Variants in PCDHGA3 observed in about 807,000 individuals in gnomAD.
PCDHGA3 encodes the protein protocadherin gamma subfamily A, 3.
PCDHGA3 carries 40 observed loss-of-function variants against 58.5 expected under a neutral mutation model. The observed-to-expected ratio is 0.68, with a 90% CI of 0.53 to 0.89. PCDHGA3 has a LOEUF of 0.89. PCDHGA3 is among the 40% of genes least tolerant of loss of function. The pLI, the probability that PCDHGA3 is intolerant of heterozygous loss-of-function variation, is 0.00. For synonymous variants in PCDHGA3, 530 were observed against 525.7 expected (o/e 1.01, Z -0.11); for missense variants, 1,223 against 1,195.9 (o/e 1.02, Z -0.33).
intron 1 of PCDHGA3, chr5:141,427,690 T>TC (rs1331581287): frequency 2.3e-6 from 2 of 881,240 alleles, no homozygotes; most frequent in Non-Finnish European, 3.7e-6. Context: ...GGAGCCTCCA[T>TC]CCCACAAGTC....
chr5:141,365,905 G>C (rs539434078), intron 1 of PCDHGA3: 14 of 1,614,190 alleles, frequency 8.7e-6, no homozygotes, highest in Non-Finnish European at 1.1e-5. Flanking sequence ...ATGAGCAGTT[G>C]AGAGACCTAC....
chr5:141,490,345 G>GT lies in PCDHGA3; in HGVS notation c.2425-4461dup, dbSNP rs1363310763. The GT allele has an allele frequency of 6.2e-7, 1 of 1,614,216 alleles. No individual in the cohort carries two copies. The highest frequency in any genetic ancestry group is 2.2e-5 in the East Asian group (1 of 44,886). ...AGAGAGCACACCAGTGGGCACAGTAGTGGGGTTGTTTAATGTGCGAGACCG... is the reference window on the plus strand; with the variant it reads ...AGAGAGCACACCAGTGGGCACAGTAGTTGGGGTTGTTTAATGTGCGAGACCG... On this transcript the variant is annotated intron_variant, in intron 1 of 3. Transcript: ENST00000253812. This position sits in a 1 kb window ranked among gnomAD's most constrained non-coding sequence, Gnocchi z 5.4.
chr5:141,370,496 C>T, intron 1 of PCDHGA3: 1 of 1,613,970 alleles, frequency 6.2e-7, no homozygotes, highest in Non-Finnish European at 8.5e-7. Flanking sequence ...AACCGATCCG[C>T]TACGCTATTC....
At chr5:141,355,483 C>T (rs1759873944) in intron 1 of PCDHGA3, 1 of 1,614,050 alleles carries the variant, frequency 6.2e-7, no homozygotes, top group Non-Finnish European at 8.5e-7. Flanking sequence ...CAGGGAGGAG[C>T]TCTGCGACAG....
At chr5:141,459,930 T>C (rs1385764489) in intron 1 of PCDHGA3, among the ~76,000 whole-genome samples, 1 of 152,176 alleles carries the variant, frequency 6.6e-6, no homozygotes, top group East Asian at 1.9e-4. Context: ...TATATCCTTG[T>C]AGCTGGGCGT....
At chr5:141,458,870 C>G (rs540373442) in intron 1 of PCDHGA3, among the ~76,000 whole-genome samples, 1 of 152,264 alleles carries the variant, frequency 6.6e-6, no homozygotes, top group South Asian at 2.1e-4. Flanking sequence ...GTAGCTGGGA[C>G]TACAGGCATG....
intron 1 of PCDHGA3, chr5:141,384,495 G>A (rs187774047): frequency 5.0e-6 from 8 of 1,614,162 alleles, no homozygotes; most frequent in Non-Finnish European, 6.8e-6. Context: ...AACTAAGAGT[G>A]ACTGCACATG....
chr5:141,494,927 G>A, intron 2 of PCDHGA3, 62 bp downstream of exon 2: 1 of 1,613,516 alleles, frequency 6.2e-7, no homozygotes, highest in Non-Finnish European at 8.5e-7. Flanking sequence ...GATGACGTGG[G>A]AGGAGATGGG....
At chr5:141,388,733 A>G in intron 1 of PCDHGA3, 1 of 1,613,986 alleles carries the variant, frequency 6.2e-7, no homozygotes, top group Non-Finnish European at 8.5e-7. Context: ...CTTTCAGTGA[A>G]GCTAGCCAGA....
Position 141,490,019 on chromosome 5 carries a change from T to C in PCDHGA3, c.2425-4788T>C. 2 of 1,614,272 alleles carry C rather than the reference T, an allele frequency of 1.2e-6. No homozygotes were observed. Among genetic ancestry groups the C allele is most frequent in the East Asian group, 2.2e-5 (1 of 44,886 alleles). ...CCAGAGAATGCACCCATTGGTACTCTGCTGCTCCGCCTCAATGCCACTGAT... is the reference window on the plus strand; with the variant it reads ...CCAGAGAATGCACCCATTGGTACTCCGCTGCTCCGCCTCAATGCCACTGAT... On this transcript the variant is annotated intron_variant, in intron 1 of 3. Coordinates refer to ENST00000253812, the MANE Select transcript of PCDHGA3 (RefSeq NM_018916.4). This position sits in a 1 kb window ranked among gnomAD's most constrained non-coding sequence, Gnocchi z 5.4.
chr5:141,419,108 G>C (rs1449189374), intron 1 of PCDHGA3: 2 of 1,613,792 alleles, frequency 1.2e-6, no homozygotes, highest in African/African-American at 1.3e-5. Flanking sequence ...GCAGACCCCA[G>C]AGTACAACGT....
At chr5:141,386,634 G>A (rs1351043708) in intron 1 of PCDHGA3, among the ~76,000 whole-genome samples, 2 of 151,884 alleles carry the variant, frequency 1.3e-5, no homozygotes, top group Non-Finnish European at 2.9e-5. Context: ...CTGTCACCCA[G>A]GCTGGATACA....
chr5:141,353,548 C>T (rs1759315194), intron 1 of PCDHGA3, among the ~76,000 whole-genome samples: 2 of 152,166 alleles, frequency 1.3e-5, no homozygotes, highest in African/African-American at 4.8e-5. Context: ...AACTTTGAGT[C>T]AATATTATTC....
At chr5:141,503,802 G>A (rs2099831646) in intron 2 of PCDHGA3, among the ~76,000 whole-genome samples, 1 of 151,998 alleles carries the variant, frequency 6.6e-6, no homozygotes, top group South Asian at 2.1e-4. Context: ...CTTAGGGACG[G>A]GGAATCCCAG....
intron 1 of PCDHGA3, among the ~76,000 whole-genome samples, chr5:141,447,677 A>G (rs748479750): frequency 6.6e-6 from 1 of 152,184 alleles, no homozygotes; most frequent in Non-Finnish European, 1.5e-5. Context: ...GAACTGTTCC[A>G]TATCTTGATA....
chr5:141,410,018 T>C (rs773806211), intron 1 of PCDHGA3: 1 of 1,613,166 alleles, frequency 6.2e-7, no homozygotes, highest in African/African-American at 1.3e-5. Context: ...CTGGCTGTCC[T>C]ACCACGTGCT....
intron 1 of PCDHGA3, among the ~76,000 whole-genome samples, chr5:141,397,773 T>C (rs2093568087): frequency 1.3e-5 from 2 of 152,218 alleles, no homozygotes; most frequent in African/African-American, 2.4e-5. Context: ...ATTAAGTATA[T>C]GGACGTAAAA....
At chr5:141,376,139 G>C in intron 1 of PCDHGA3, 1 of 1,613,958 alleles carries the variant, frequency 6.2e-7, no homozygotes, top group Non-Finnish European at 8.5e-7. Flanking sequence ...CAAACCCAAC[G>C]ATTCGGACCT....
At chr5:141,350,155 G>A (rs950480253) in intron 1 of PCDHGA3, 1 of 998,930 alleles carries the variant, frequency 1.0e-6, no homozygotes, top group East Asian at 2.8e-5. Flanking sequence ...TCACCCTCGA[G>A]CGCCTAACTA....
Sources: allele counts gnomAD v4.1 joint callset (sites outside exome capture counted in the v4.1 genomes callset), GRCh38; gene constraint gnomAD v4.1.1; non-coding constraint Gnocchi (gnomAD v3.1); transcripts MANE v1.5; gene names NCBI Gene and HGNC (gene_info 2026-07-23, HGNC 2026-07-21).